The following CNTN5 variants were observed in gnomAD, a reference collection of about 807,000 sequenced individuals.
The protein encoded by CNTN5 is contactin 5.
A neutral mutation model predicts 129.1 loss-of-function variants in CNTN5; 77 were observed. The observed-to-expected ratio is 0.60, with a 90% confidence interval of 0.50 to 0.72. The LOEUF is 0.72. Among genes scored for constraint, CNTN5 ranks in the 30% least tolerant of loss-of-function variants. The probability of loss-of-function intolerance (pLI) is 0.00; values close to 1 mark genes in which losing one functional copy is unlikely to be tolerated. For synonymous variants in CNTN5, 509 were observed against 465.6 expected (o/e 1.09, Z -1.20); for missense variants, 1,478 against 1,328.8 (o/e 1.11, Z -1.75).
intron 15 of CNTN5, among the ~76,000 whole-genome samples, chr11:100,211,490 A>AC (rs1555040834): frequency 6.6e-6 from 1 of 151,202 alleles, no homozygotes; most frequent in Non-Finnish European, 1.5e-5. Flanking sequence ...AAAAGTGGGG[A>AC]TTTTTTTTTA....
Position 99,738,663 on chromosome 11 carries a change from G to A in CNTN5, c.56-80881G>A, listed in dbSNP as rs967470471. The stretch of plus-strand genomic sequence containing the variant: ...TGTGTATGTGTGTGTAGAACCTGGA[G>A]TGTAGAAAGTGAGCTTACTAAAGGA... On this transcript the variant is annotated intron_variant, in intron 3 of 24. Coordinates refer to ENST00000524871, the MANE Select transcript of CNTN5 (RefSeq NM_014361.4). Among the ~76,000 whole-genome samples the A allele has an allele frequency of 1.4e-4, 21 of 149,024 alleles. 1 individual carries two copies. The highest frequency in any genetic ancestry group is 8.4e-4 in the South Asian group (4 of 4,746).
intron 24 of CNTN5, among the ~76,000 whole-genome samples, chr11:100,353,284 T>C (rs1049920794): frequency 9.2e-5 from 14 of 151,552 alleles, no homozygotes; most frequent in Non-Finnish European, 2.1e-4. Context: ...TGAGTCATGA[T>C]TGGTTTCATT....
intron 9 of CNTN5, among the ~76,000 whole-genome samples, chr11:100,024,776 G>T (rs1591073752): frequency 6.6e-6 from 1 of 152,278 alleles, no homozygotes; most frequent in South Asian, 2.1e-4. Context: ...AGAGTGTCTG[G>T]CAGAAGAAAT....
chr11:99,585,118 C>T (rs750052735), intron 3 of CNTN5, among the ~76,000 whole-genome samples: 4 of 152,172 alleles, frequency 2.6e-5, no homozygotes, highest in Admixed American at 1.3e-4. Context: ...TACAAAATCA[C>T]ACATGGATAA....
intron 1 of CNTN5, among the ~76,000 whole-genome samples, chr11:99,066,773 C>T (rs1865121255): frequency 6.6e-6 from 1 of 152,148 alleles, no homozygotes; most frequent in African/African-American, 2.4e-5. Flanking sequence ...TGAGGCTACA[C>T]TTCCTACTCA....
rs201431995 is a variant in CNTN5, at chr11:99,121,138, T to TCTTTCTTTCTTTCTTTCTTTCTTTC, written c.-210+99868_-210+99869insCTTTCTTTCTTTCTTTCTTTCTTTC. On this transcript the variant is annotated intron_variant, in intron 1 of 24. Transcript: ENST00000524871. ...TTTAACTGTTCTTTCTTTCTTTCTT[T>TCTTTCTTTCTTTCTTTCTTTCTTTC]TTTTTTTTTTTTTTGAGATCGAGTC... 4.8e-5 allele frequency among the ~76,000 whole-genome samples: 7 copies of TCTTTCTTTCTTTCTTTCTTTCTTTC among 146,908 alleles called. No individual in the cohort carries two copies. In the South Asian group the frequency reaches 1.1e-3, roughly 23 times the overall value.
intron 6 of CNTN5, among the ~76,000 whole-genome samples, chr11:99,881,333 C>T (rs186236731): frequency 2.0e-5 from 3 of 152,254 alleles, no homozygotes; most frequent in Admixed American, 1.3e-4. Flanking sequence ...AAATAAAATG[C>T]CTACTCCCAA....
rs1942918813 is a variant in CNTN5 at position 100,050,868 on chromosome 11, G to T, written c.981-10344G>T. Among the ~76,000 whole-genome samples, 4 of 152,130 alleles carry T rather than the reference G, an allele frequency of 2.6e-5. No individual in the cohort carries two copies. In the South Asian group the frequency reaches 8.3e-4, roughly 32 times the overall value. Reference sequence around the variant, plus strand: ...GATGAACATTTTATGATAATAAAAAGATTAACTTTTCAAGAAGACATTCAA... The same window carrying T: ...GATGAACATTTTATGATAATAAAAATATTAACTTTTCAAGAAGACATTCAA... On this transcript the variant is annotated intron_variant, in intron 9 of 24. Coordinates refer to ENST00000524871, the MANE Select transcript of CNTN5 (RefSeq NM_014361.4).
intron 2 of CNTN5, among the ~76,000 whole-genome samples, chr11:99,547,003 CTTTTTTTTT>C (rs59675284): frequency 7.8e-6 from 1 of 128,648 alleles, no homozygotes. Flanking sequence ...AAATTATTTT[CTTTTTTTTT>C]TTTTTTTTGA....
intron 3 of CNTN5, among the ~76,000 whole-genome samples, chr11:99,623,383 C>T (rs1428963490): frequency 6.6e-6 from 1 of 152,080 alleles, no homozygotes; most frequent in Non-Finnish European, 1.5e-5. Flanking sequence ...CTTTTCTTTG[C>T]ATGAACTTGG....
intron 10 of CNTN5, among the ~76,000 whole-genome samples, chr11:100,061,832 T>C (rs1463533018): frequency 6.6e-6 from 1 of 152,172 alleles, no homozygotes; most frequent in Non-Finnish European, 1.5e-5. Context: ...CACCTGTCAG[T>C]TTTTGCCTGG....
intron 8 of CNTN5, among the ~76,000 whole-genome samples, chr11:99,975,589 T>G (rs1937896924): frequency 6.6e-6 from 1 of 152,100 alleles, no homozygotes; most frequent in East Asian, 1.9e-4. Context: ...AACTTACAGT[T>G]ATGGCAGAAG....
chr11:99,451,460 C>CT (rs1312197768), intron 2 of CNTN5, among the ~76,000 whole-genome samples: 2 of 152,024 alleles, frequency 1.3e-5, no homozygotes, highest in East Asian at 3.9e-4. Flanking sequence ...TTCAAAATTC[C>CT]TTTTAAGTGT....
intron 3 of CNTN5, among the ~76,000 whole-genome samples, chr11:99,588,140 G>T (rs1949862547): frequency 6.6e-6 from 1 of 152,030 alleles, no homozygotes; most frequent in Admixed American, 6.5e-5. Flanking sequence ...TCAGGAGATG[G>T]ATACCATCCT....
At chr11:100,003,776 C>T (rs1000692472) in intron 9 of CNTN5, 1 of 152,210 alleles carries the variant, frequency 6.6e-6, no homozygotes, top group East Asian at 1.9e-4. Flanking sequence ...CTTTCTACTC[C>T]TTCTTTGCTA....
At chr11:99,811,692 A>G (rs573077148) in intron 3 of CNTN5, among the ~76,000 whole-genome samples, 2 of 152,024 alleles carry the variant, frequency 1.3e-5, no homozygotes, top group East Asian at 3.9e-4. Flanking sequence ...ATATTAGGAA[A>G]TATTTAATGA....
intron 1 of CNTN5, among the ~76,000 whole-genome samples, chr11:99,269,113 G>A (rs1863047713): frequency 6.6e-6 from 1 of 151,872 alleles, no homozygotes; most frequent in Admixed American, 6.6e-5. Flanking sequence ...TCCTGTCGAA[G>A]TGCCAAAGCA....
intron 3 of CNTN5, among the ~76,000 whole-genome samples, chr11:99,676,419 C>A (rs1341785244): frequency 6.6e-6 from 1 of 152,178 alleles, no homozygotes; most frequent in African/African-American, 2.4e-5. Context: ...AATAAATAGA[C>A]TACATGCTTT....
intron 4 of CNTN5, among the ~76,000 whole-genome samples, chr11:99,820,463 T>C (rs530227885): frequency 1.3e-5 from 2 of 152,420 alleles, no homozygotes; most frequent in East Asian, 1.9e-4. Context: ...CACTAAGATA[T>C]CAGTTAAATT....
Sources: allele counts gnomAD v4.1 joint callset (sites outside exome capture counted in the v4.1 genomes callset), GRCh38; gene constraint gnomAD v4.1.1; transcripts MANE v1.5; gene names NCBI Gene and HGNC (gene_info 2026-07-23, HGNC 2026-07-21).